The following CHD6 variants were observed in gnomAD, a reference collection of about 807,000 sequenced individuals.
CHD6 encodes the protein chromodomain helicase DNA binding protein 6, also known as ATP-dependent chromatin remodeler CHD6.
Under a neutral mutation model 276.9 loss-of-function variants are expected in CHD6, and 50 were observed. The ratio of observed to expected loss-of-function variants is 0.18; its 90% CI spans 0.14 to 0.23. The LOEUF (loss-of-function observed/expected upper bound fraction) is 0.23, where lower values mean the gene tolerates loss of function less well. Ranked by LOEUF, CHD6 falls within the 10% of genes least tolerant of loss-of-function variation. CHD6 has a pLI of 1.00. For synonymous variants in CHD6, 1,173 were observed against 1,229.3 expected (o/e 0.95, Z 0.96); for missense variants, 2,564 against 3,365.8 (o/e 0.76, Z 5.89).
chr20:41,598,863 C>T (rs1269957815), intron 1 of CHD6, among the ~76,000 whole-genome samples: 1 of 152,126 alleles, frequency 6.6e-6, no homozygotes, highest in Admixed American at 6.5e-5. Flanking sequence ...ATAAGTGGGG[C>T]AACACTTGCG....
intron 1 of CHD6, among the ~76,000 whole-genome samples, chr20:41,610,362 A>ACAAAT (rs2045873980): frequency 6.6e-6 from 1 of 152,190 alleles, no homozygotes; most frequent in Non-Finnish European, 1.5e-5. Context: ...GCTTCTATTA[A>ACAAAT]CAAATCAATT....
At chr20:41,604,735 G>C (rs889298288) in intron 1 of CHD6, among the ~76,000 whole-genome samples, 9 of 152,162 alleles carry the variant, frequency 5.9e-5, no homozygotes, top group Non-Finnish European at 8.8e-5. Context: ...CCCACCTGTG[G>C]CGGGGAGCAC....
intron 1 of CHD6, among the ~76,000 whole-genome samples, chr20:41,578,253 AAC>A (rs1442515427): frequency 6.6e-6 from 1 of 152,222 alleles, no homozygotes; most frequent in Admixed American, 6.5e-5. Flanking sequence ...GTTTAAAAAT[AAC>A]ACATTCAAAA....
rs2047193127 is a variant in CHD6, at chr20:41,421,553, A to G, written c.5082T>C (p.His1694=). The G allele has an allele frequency of 6.2e-7, 1 of 1,612,866 alleles. No individual in the cohort carries two copies. Among genetic ancestry groups the G allele is most frequent in the Non-Finnish European group, 8.5e-7 (1 of 1,179,562 alleles). The change falls in exon 31 of 37, where the codon CAT becomes CAC. Residue 1694 remains histidine (H), a synonymous_variant. Transcript: ENST00000373233. ...AGGACTCAGGCAGCAGACTTTCATC[A>G]TGGTTGATGGAAATGACATCCTGAA... ...SKVQDVISIN[H]DESLLPESLE... is the part of the protein sequence containing the mutation.
chr20:41,543,150 C>T (rs895780380), intron 2 of CHD6, among the ~76,000 whole-genome samples: 5 of 150,106 alleles, frequency 3.3e-5, no homozygotes, highest in Non-Finnish European at 5.9e-5. Context: ...GTTAATTTTA[C>T]TAACAAATGG....
At chr20:41,417,166 G>C (rs754788946) in intron 32 of CHD6, 32 bp downstream of exon 32, 1 of 1,591,754 alleles carries the variant, frequency 6.3e-7, no homozygotes, top group Non-Finnish European at 8.6e-7. Flanking sequence ...AATGGTTTGG[G>C]GGTAGGGTGG....
chr20:41,424,267 C>A (rs529832792), intron 29 of CHD6, among the ~76,000 whole-genome samples: 3 of 152,310 alleles, frequency 2.0e-5, no homozygotes, highest in South Asian at 4.1e-4. Context: ...TGACAATTAT[C>A]TTCTCTGGGA....
chr20:41,449,368 G>A (rs1215177240), intron 23 of CHD6, among the ~76,000 whole-genome samples: 1 of 152,138 alleles, frequency 6.6e-6, no homozygotes, highest in African/African-American at 2.4e-5. Context: ...ATTAGAGTAG[G>A]GCTTTCCTGA....
chr20:41,458,620 G>GTATGGA (rs2145701338), intron 17 of CHD6, among the ~76,000 whole-genome samples: 1 of 152,278 alleles, frequency 6.6e-6, no homozygotes, highest in Admixed American at 6.5e-5. Flanking sequence ...ATAGAAATAG[G>GTATGGA]TATGGATATG....
At chr20:41,428,649 C>G (rs1486875692) in intron 27 of CHD6, among the ~76,000 whole-genome samples, 1 of 152,094 alleles carries the variant, frequency 6.6e-6, no homozygotes, top group Non-Finnish European at 1.5e-5. Context: ...TCTTCTTTTG[C>G]AAAATGGAGA....
intron 1 of CHD6, among the ~76,000 whole-genome samples, chr20:41,558,695 T>A (rs2045267306): frequency 1.3e-5 from 2 of 152,158 alleles, no homozygotes; most frequent in Non-Finnish European, 2.9e-5. Context: ...TCCATCTGTA[T>A]TTGAGATCCA....
intron 1 of CHD6, among the ~76,000 whole-genome samples, chr20:41,605,490 G>A (rs923524964): frequency 2.6e-5 from 4 of 152,120 alleles, no homozygotes; most frequent in Non-Finnish European, 4.4e-5. Context: ...ATCCCACACT[G>A]AGTTCCTGAG....
chr20:41,522,396 A>G (rs1347197382), intron 3 of CHD6, among the ~76,000 whole-genome samples: 1 of 152,308 alleles, frequency 6.6e-6, no homozygotes, highest in East Asian at 1.9e-4. Flanking sequence ...ACCAACGTAG[A>G]AAAGATGCGC....
chr20:41,554,117 C>A (rs2045185406), intron 1 of CHD6, among the ~76,000 whole-genome samples: 1 of 152,114 alleles, frequency 6.6e-6, no homozygotes, highest in African/African-American at 2.4e-5. Flanking sequence ...TGTACTCCAG[C>A]CTAGGTGACA....
At chr20:41,455,001 C>T (rs866665289) in intron 19 of CHD6, among the ~76,000 whole-genome samples, 3 of 152,072 alleles carry the variant, frequency 2.0e-5, no homozygotes, top group Admixed American at 2.0e-4. Context: ...AGGCAAACCC[C>T]GGAAGACAAT....
Position 41,404,257 on chromosome 20 carries a change from C to G in CHD6, c.*336G>C. ...CAATGGTAAAACCCTAGACAGCTTT[C>G]TTTTGCCATTTTTCCTCCTCAAGTG... On this transcript the variant is annotated 3_prime_UTR_variant, in exon 37 of 37. Coordinates refer to ENST00000373233, the MANE Select transcript of CHD6 (RefSeq NM_032221.5). The G allele has an allele frequency of 9.2e-7, 1 of 1,090,018 alleles. No homozygotes were observed. Among genetic ancestry groups the G allele is most frequent in the Non-Finnish European group, 1.1e-6 (1 of 896,886 alleles). 67.5% of individuals were successfully genotyped at this position (1,090,018 alleles called of 1,614,324 possible). A position where few individuals can be genotyped will look rare whatever the true frequency, so the allele number is the denominator to read the frequency against.
chr20:41,404,127 A>G lies in CHD6; in HGVS notation c.*466T>C. ...GAAATATTTTAACTCAAAAATATGC[A>G]CCAGCACTTCCTTTTTCTGTGCTTT... On this transcript the variant is annotated 3_prime_UTR_variant, in exon 37 of 37. Coordinates refer to ENST00000373233, the MANE Select transcript of CHD6 (RefSeq NM_032221.5). 1 of 1,056,594 alleles carries G rather than the reference A, an allele frequency of 9.5e-7. No homozygotes were observed. The highest frequency in any genetic ancestry group is 1.1e-6 in the Non-Finnish European group (1 of 874,232). 65.5% of individuals were successfully genotyped at this position (1,056,594 alleles called of 1,614,324 possible).
chr20:41,598,051 A>G (rs2045736634), intron 1 of CHD6, among the ~76,000 whole-genome samples: 1 of 152,178 alleles, frequency 6.6e-6, no homozygotes, highest in Non-Finnish European at 1.5e-5. Context: ...GACCTCCCCA[A>G]CAAGTCTCTG....
At chr20:41,576,054 G>A (rs2045470952) in intron 1 of CHD6, among the ~76,000 whole-genome samples, 1 of 151,988 alleles carries the variant, frequency 6.6e-6, no homozygotes, top group Non-Finnish European at 1.5e-5. Context: ...TAATATAGAG[G>A]AAAAATTAAT....
Sources: allele counts gnomAD v4.1 joint callset (sites outside exome capture counted in the v4.1 genomes callset), GRCh38; gene constraint gnomAD v4.1.1; transcripts MANE v1.5; gene names NCBI Gene and HGNC (gene_info 2026-07-23, HGNC 2026-07-21).